The following SDR42E1 variants were observed in gnomAD, a reference collection of about 807,000 sequenced individuals.
SDR42E1 encodes the protein short-chain dehydrogenase/reductase family 42E member 1.
Under a neutral mutation model 2.6 loss-of-function variants are expected in SDR42E1, and 5 were observed. That is an observed-to-expected ratio of 1.94 (90% CI 1.01 to 4.08). SDR42E1 has a LOEUF of 4.08. Ranked by LOEUF, SDR42E1 falls within the 30% of genes most tolerant of loss-of-function variation. The pLI, the probability that SDR42E1 is intolerant of heterozygous loss-of-function variation, is 0.00. For missense variants in SDR42E1, 596 were observed against 478.6 expected, an observed-to-expected ratio of 1.25 and a Z score of -2.29; for synonymous variants, 231 against 188.3, an observed-to-expected ratio of 1.23 and a Z score of -1.86.
rs532302852 is a variant in SDR42E1, at chr16:82,008,700, T to C, written c.-27+2687A>G. ...GAAGCAGAGTGTAGGTTTGAAAAAT[T>C]TGCAGCCTAATGATACAAAAGAAAA... On this transcript the variant is annotated intron_variant, in intron 1 of 2. Coordinates refer to ENST00000328945, the MANE Select transcript of SDR42E1 (RefSeq NM_145168.3). Among the ~76,000 whole-genome samples the C allele has an allele frequency of 1.4e-4, 22 of 152,256 alleles. No homozygotes were observed. In the South Asian group the frequency reaches 3.1e-3, roughly 22 times the overall value.
In SDR42E1 at chr16:81,995,823, A is replaced by G. The variant is rs1440446500; in HGVS notation, c.*3288T>C. On this transcript the variant is annotated 3_prime_UTR_variant, in exon 3 of 3. Transcript: ENST00000328945. ...CTCATAGAGCTAACAGGCATTAAACAAATAACCGTACAAATGTTTACAGTT... is the reference window on the plus strand; with the variant it reads ...CTCATAGAGCTAACAGGCATTAAACGAATAACCGTACAAATGTTTACAGTT... 6.6e-6 allele frequency: 1 copy of G among 152,276 alleles called. No individual in the cohort carries two copies. Among genetic ancestry groups the G allele is most frequent in the African/African-American group, 2.4e-5 (1 of 41,470 alleles). 9.4% of individuals were successfully genotyped at this position (152,276 alleles called of 1,614,324 possible). A position where few individuals can be genotyped will look rare whatever the true frequency, so the allele number is the denominator to read the frequency against.
At chr16:82,005,772 C>T (rs547187031) in intron 1 of SDR42E1, among the ~76,000 whole-genome samples, 5 of 152,092 alleles carry the variant, frequency 3.3e-5, no homozygotes, top group Admixed American at 1.3e-4. Context: ...GGGCTACATC[C>T]GACCTGAGCA....
rs1452008016 is a variant in SDR42E1, at chr16:81,996,782, T to C, written c.*2329A>G. 1.3e-5 allele frequency: 2 copies of C among 152,112 alleles called. No individual in the cohort carries two copies. Among genetic ancestry groups the C allele is most frequent in the African/African-American group, 2.4e-5 (1 of 41,410 alleles). The allele number at this position is 152,112 out of a possible 1,614,324, so 9.4% of individuals were successfully genotyped here. On this transcript the variant is annotated 3_prime_UTR_variant, in exon 3 of 3. Transcript: ENST00000328945. ...AGACAGTAACAGAATTGGGGAGATA[T>C]GGAAGCAGGAATGTGGTAGCCAGGT...
At position 82,000,728 on chromosome 16, in the gene SDR42E1, T is replaced by C. The variant is rs116577164; in HGVS notation, c.68+63A>G. The C allele has an allele frequency of 4.1e-6, 5 of 1,230,102 alleles. No individual in the cohort carries two copies. In the South Asian group the frequency reaches 6.2e-5, roughly 15 times the overall value. 76.2% of individuals were successfully genotyped at this position (1,230,102 alleles called of 1,614,324 possible). ...GTAAAAGTCTGCTCTGCTGTCAGAG[T>C]TGAATGCTTCTGGCAACTACCAGTA... On this transcript the variant is annotated intron_variant, in intron 2 of 2. Transcript: ENST00000328945.
Position 82,010,406 on chromosome 16 carries a change from A to G in SDR42E1, c.-27+981T>C, listed in dbSNP as rs535310232. ...TAATGCCGCACAATAAGGCTGGGACAATACAGATTCGCTTAGGTCATTATC... is the reference window on the plus strand; with the variant it reads ...TAATGCCGCACAATAAGGCTGGGACGATACAGATTCGCTTAGGTCATTATC... On this transcript the variant is annotated intron_variant, in intron 1 of 2. Transcript: ENST00000328945. Among the ~76,000 whole-genome samples, 4 of 152,274 alleles carry G rather than the reference A, an allele frequency of 2.6e-5. 1 individual carries two copies. The highest frequency in any genetic ancestry group is 9.6e-5 in the African/African-American group (4 of 41,556).
In SDR42E1 at chr16:81,994,958, G is replaced by C. The variant is rs149578223; in HGVS notation, c.*4153C>G. ...CATAGGTAATTTGGTGCCAGAATGAGTTATTTGACCCTCCACTAACTGTTA... is the reference window on the plus strand; with the variant it reads ...CATAGGTAATTTGGTGCCAGAATGACTTATTTGACCCTCCACTAACTGTTA... On this transcript the variant is annotated 3_prime_UTR_variant, in exon 3 of 3. Transcript: ENST00000328945. 9.8e-5 allele frequency: 15 copies of C among 152,312 alleles called. No homozygotes were observed. The highest frequency in any genetic ancestry group is 2.1e-4 in the Non-Finnish European group (14 of 68,026). 9.4% of individuals were successfully genotyped at this position (152,312 alleles called of 1,614,324 possible). A position where few individuals can be genotyped will look rare whatever the true frequency, so the allele number is the denominator to read the frequency against.
At position 81,993,714 on chromosome 16, in the gene SDR42E1, T is replaced by C. The variant is rs1276551432; in HGVS notation, c.*5397A>G. The C allele has an allele frequency of 1.3e-5, 2 of 152,102 alleles. No individual in the cohort carries two copies. The highest frequency in any genetic ancestry group is 1.3e-4 in the Admixed American group (2 of 15,278). The allele number at this position is 152,102 out of a possible 1,614,324, so 9.4% of individuals were successfully genotyped here. A position where few individuals can be genotyped will look rare whatever the true frequency, so the allele number is the denominator to read the frequency against. ...AAGCATTTATTGGGCATATGAAGGG[T>C]ACAGAAGTAGAAAAAACAGACATGG... is the stretch of plus-strand genomic sequence containing the variant. On this transcript the variant is annotated 3_prime_UTR_variant, in exon 3 of 3. Transcript: ENST00000328945.
intron 1 of SDR42E1, among the ~76,000 whole-genome samples, chr16:82,001,699 G>C (rs1041547150): frequency 1.3e-5 from 2 of 151,908 alleles, no homozygotes; most frequent in Non-Finnish European, 2.9e-5. Context: ...TCAGGAGATC[G>C]AGACCATCCT....
Position 81,999,872 on chromosome 16 carries a change from G to T in SDR42E1, c.421C>A (p.Pro141Thr). The T allele has an allele frequency of 6.2e-7, 1 of 1,614,152 alleles. No individual in the cohort carries two copies. The highest frequency in any genetic ancestry group is 8.5e-7 in the Non-Finnish European group (1 of 1,180,036). Residue 141 changes from proline (P) to threonine (T), a missense_variant, in exon 3 of 3, where the codon CCC becomes ACC. Transcript: ENST00000328945. ...QVIRNGDESL[P>T]YLPLHLHPDH... The stretch of plus-strand genomic sequence containing the variant: ...GGGTGGAGGTGAAGAGGCAGGTAGG[G>T]CAGAGATTCATCCCCATTTCTGATA...
Position 81,990,262 on chromosome 16 carries a change from T to TAC in SDR42E1, c.*8847_*8848dup, listed in dbSNP as rs1293922981. ...CAGCAGTGAGCTGTGTCCACAGTGC[T>TAC]ACACTTCAGCCTGGTCGACAGAGTG... On this transcript the variant is annotated 3_prime_UTR_variant, in exon 3 of 3. Transcript: ENST00000328945. 1 of 152,228 alleles carries TAC rather than the reference T, an allele frequency of 6.6e-6. No homozygotes were observed. Among genetic ancestry groups the TAC allele is most frequent in the African/African-American group, 2.4e-5 (1 of 41,434 alleles). The allele number at this position is 152,228 out of a possible 1,614,324, so 9.4% of individuals were successfully genotyped here.
chr16:82,006,340 G>A (rs1260789047), intron 1 of SDR42E1, among the ~76,000 whole-genome samples: 1 of 152,208 alleles, frequency 6.6e-6, no homozygotes, highest in African/African-American at 2.4e-5. Flanking sequence ...ATATATTCAT[G>A]CTAGAGGGCT....
intron 1 of SDR42E1, among the ~76,000 whole-genome samples, chr16:82,006,512 G>T (rs1912940606): frequency 6.6e-6 from 1 of 152,190 alleles, no homozygotes; most frequent in Admixed American, 6.5e-5. Flanking sequence ...TTCAAAAGGG[G>T]CTGGGTGCAG....
intron 1 of SDR42E1, among the ~76,000 whole-genome samples, chr16:82,004,491 G>A (rs559536590): frequency 2.6e-5 from 4 of 152,302 alleles, no homozygotes; most frequent in African/African-American, 9.6e-5. Context: ...CTTCCATAAA[G>A]TTTGAATCCC....
Position 81,996,668 on chromosome 16 carries a change from A to C in SDR42E1, c.*2443T>G, listed in dbSNP as rs975027592. Reference sequence around the variant, plus strand: ...AGATGAAAATGGAGGCCATGGGCTTAGGTGAGCTCACCTAGGGAGAAAGTA... The same window carrying C: ...AGATGAAAATGGAGGCCATGGGCTTCGGTGAGCTCACCTAGGGAGAAAGTA... On this transcript the variant is annotated 3_prime_UTR_variant, in exon 3 of 3. Coordinates refer to ENST00000328945, the MANE Select transcript of SDR42E1 (RefSeq NM_145168.3). 3.3e-5 allele frequency: 5 copies of C among 152,236 alleles called. No homozygotes were observed. The highest frequency in any genetic ancestry group is 4.8e-5 in the African/African-American group (2 of 41,444). The allele number at this position is 152,236 out of a possible 1,614,324, so 9.4% of individuals were successfully genotyped here.
In SDR42E1 at chr16:81,997,268, G is replaced by C. The variant is rs1454532074; in HGVS notation, c.*1843C>G. ...AAAAGCTTTGTAGCTGGAAATGTGG[G>C]CAACGTTTCATGGAAAAGGAAGGAT... On this transcript the variant is annotated 3_prime_UTR_variant, in exon 3 of 3. Coordinates refer to ENST00000328945, the MANE Select transcript of SDR42E1 (RefSeq NM_145168.3). 1.3e-5 allele frequency: 2 copies of C among 152,200 alleles called. No homozygotes were observed. The highest frequency in any genetic ancestry group is 2.4e-5 in the African/African-American group (1 of 41,448). 9.4% of individuals were successfully genotyped at this position (152,200 alleles called of 1,614,324 possible). A position where few individuals can be genotyped will look rare whatever the true frequency, so the allele number is the denominator to read the frequency against.
intron 1 of SDR42E1, among the ~76,000 whole-genome samples, chr16:82,001,861 C>G (rs914853832): frequency 1.3e-5 from 2 of 148,372 alleles, no homozygotes; most frequent in African/African-American, 5.0e-5. Flanking sequence ...AAGATCGCGC[C>G]ACTGCACTCT....
At chr16:82,004,968 C>T (rs1039088848) in intron 1 of SDR42E1, among the ~76,000 whole-genome samples, 3 of 152,196 alleles carry the variant, frequency 2.0e-5, no homozygotes, top group Non-Finnish European at 4.4e-5. Flanking sequence ...TGGAAATGTT[C>T]TTGTCTGGTT....
Position 82,000,289 on chromosome 16 carries a change from A to G in SDR42E1, c.69-65T>C, listed in dbSNP as rs760397906. Reference sequence around the variant, plus strand: ...TAAGCTGTGCCTAGGGGAAGTGTATAAAGTAATTTACCAATCAAGGTGGGG... The same window carrying G: ...TAAGCTGTGCCTAGGGGAAGTGTATGAAGTAATTTACCAATCAAGGTGGGG... On this transcript the variant is annotated intron_variant, in intron 2 of 2. Transcript: ENST00000328945. 3 of 1,586,364 alleles carry G rather than the reference A, an allele frequency of 1.9e-6. No homozygotes were observed. In the African/African-American group the frequency reaches 4.0e-5, roughly 21 times the overall value.
At position 81,999,620 on chromosome 16, in the gene SDR42E1, C is replaced by G. The variant is rs745393028; in HGVS notation, c.673G>C (p.Val225Leu). Residue 225 changes from valine (V) to leucine (L), a missense_variant, in exon 3 of 3, where the codon GTG becomes CTG. Coordinates refer to ENST00000328945, the MANE Select transcript of SDR42E1 (RefSeq NM_145168.3). Reference protein sequence around the residue: ...DPRSLVEFVHVDNLVQAHILA... With the variant: ...DPRSLVEFVHLDNLVQAHILA... ...ATGTGAGCCTGCACCAAGTTATCCA[C>G]GTGGACAAACTCAACCAGGCTCCTG... is the stretch of plus-strand genomic sequence containing the variant. The G allele has an allele frequency of 6.2e-7, 1 of 1,614,044 alleles. No homozygotes were observed. Among genetic ancestry groups the G allele is most frequent in the African/African-American group, 1.3e-5 (1 of 74,918 alleles).
Sources: allele counts gnomAD v4.1 joint callset (sites outside exome capture counted in the v4.1 genomes callset), GRCh38; gene constraint gnomAD v4.1.1; transcripts MANE v1.5; gene names NCBI Gene and HGNC (gene_info 2026-07-23, HGNC 2026-07-21).